MACROD2: variants seen among roughly 807,000 people sequenced by gnomAD.
MACROD2 encodes the protein mono-ADP ribosylhydrolase 2.
A neutral mutation model predicts 70.4 loss-of-function variants in MACROD2; 36 were observed. The observed-to-expected ratio is 0.51, with a 90% CI of 0.39 to 0.68. The LOEUF is 0.68. MACROD2 is among the 30% of genes least tolerant of loss of function. The pLI is 0.00. For missense variants in MACROD2, 496 were observed against 538.4 expected (o/e 0.92, Z 0.78); for synonymous variants, 172 against 178.8 (o/e 0.96, Z 0.30).
chr20:15,604,982 C>T (rs758059878), intron 8 of MACROD2, among the ~76,000 whole-genome samples: 1 of 152,124 alleles, frequency 6.6e-6, no homozygotes, highest in Non-Finnish European at 1.5e-5. Flanking sequence ...GAGCTATAAA[C>T]GGATACACTG....
chr20:14,540,829 G>A, intron 4 of MACROD2, among the ~76,000 whole-genome samples: 1 of 152,172 alleles, frequency 6.6e-6, no homozygotes, highest in East Asian at 1.9e-4. Flanking sequence ...CTCTACATTA[G>A]GAGAGGCTCA....
intron 4 of MACROD2, among the ~76,000 whole-genome samples, chr20:14,593,280 A>G (rs1427083716): frequency 6.6e-6 from 1 of 152,232 alleles, no homozygotes; most frequent in Admixed American, 6.5e-5. Flanking sequence ...GATGTTTTTA[A>G]GAGTACAGAT....
intron 2 of MACROD2, among the ~76,000 whole-genome samples, chr20:14,071,198 A>T (rs1277457032): frequency 6.7e-6 from 1 of 150,248 alleles, no homozygotes; most frequent in Non-Finnish European, 1.5e-5. Flanking sequence ...ATGGAATTAT[A>T]ATCTTAAAAG....
intron 8 of MACROD2, among the ~76,000 whole-genome samples, chr20:15,580,188 A>T (rs770935380): frequency 6.6e-5 from 10 of 152,150 alleles, no homozygotes; most frequent in Non-Finnish European, 1.3e-4. Flanking sequence ...GTAAAAAAAG[A>T]ATTGCCTTAT....
chr20:14,782,033 C>T (rs1398387972), intron 5 of MACROD2, among the ~76,000 whole-genome samples: 1 of 151,914 alleles, frequency 6.6e-6, no homozygotes, highest in African/African-American at 2.4e-5. Flanking sequence ...AAGTGATCCT[C>T]CCACCTCAGC....
chr20:15,468,217 G>A (rs755517071), intron 7 of MACROD2, among the ~76,000 whole-genome samples: 1 of 151,938 alleles, frequency 6.6e-6, no homozygotes, highest in African/African-American at 2.4e-5. Context: ...TTAGATGCAG[G>A]ACCCCTTTCA....
intron 5 of MACROD2, among the ~76,000 whole-genome samples, chr20:14,936,596 A>G (rs1428328977): frequency 6.6e-6 from 1 of 152,004 alleles, no homozygotes; most frequent in Non-Finnish European, 1.5e-5. Flanking sequence ...TCCAGGTTAT[A>G]TGGGATCTGA....
chr20:15,436,159 A>T (rs577856360), intron 7 of MACROD2, among the ~76,000 whole-genome samples: 1 of 152,118 alleles, frequency 6.6e-6, no homozygotes, highest in East Asian at 1.9e-4. Context: ...TGCAACTTGA[A>T]AATTACTTCA....
chr20:15,186,535 A>G (rs1232532735), intron 5 of MACROD2, among the ~76,000 whole-genome samples: 1 of 152,216 alleles, frequency 6.6e-6, no homozygotes, highest in Admixed American at 6.5e-5. Flanking sequence ...GGAAACAGGA[A>G]GTGCTAAATA....
chr20:14,428,005 A>G (rs905369890), intron 3 of MACROD2, among the ~76,000 whole-genome samples: 2 of 152,194 alleles, frequency 1.3e-5, no homozygotes, highest in African/African-American at 4.8e-5. Flanking sequence ...TACCATAGTA[A>G]TGAGCAGACT....
At chr20:15,464,340 G>A (rs1030927401) in intron 7 of MACROD2, among the ~76,000 whole-genome samples, 12 of 152,202 alleles carry the variant, frequency 7.9e-5, no homozygotes, top group Non-Finnish European at 1.6e-4. Flanking sequence ...TTCTTTTCAC[G>A]AAAGACAAGT....
At chr20:14,719,343 G>A (rs1325945737) in intron 5 of MACROD2, among the ~76,000 whole-genome samples, 5 of 151,800 alleles carry the variant, frequency 3.3e-5, no homozygotes, top group Admixed American at 1.3e-4. Flanking sequence ...ACTCATTTCA[G>A]TACCTATTTT....
intron 3 of MACROD2, among the ~76,000 whole-genome samples, chr20:14,343,964 T>G (rs1229895988): frequency 6.6e-6 from 1 of 152,244 alleles, no homozygotes; most frequent in East Asian, 1.9e-4. Flanking sequence ...GTGCTAATTT[T>G]AGACACACAA....
intron 8 of MACROD2, among the ~76,000 whole-genome samples, chr20:15,527,905 T>G (rs1055581192): frequency 3.3e-5 from 5 of 152,228 alleles, no homozygotes; most frequent in African/African-American, 1.2e-4. Flanking sequence ...CTTGACAAAC[T>G]ATATCCTTTG....
chr20:15,004,458 T>G (rs2075020229), intron 5 of MACROD2, among the ~76,000 whole-genome samples: 2 of 152,178 alleles, frequency 1.3e-5, no homozygotes, highest in African/African-American at 4.8e-5. Context: ...AAGCATATCA[T>G]CAATTATACT....
chr20:14,327,259 A>G, intron 3 of MACROD2: 1 of 1,613,818 alleles, frequency 6.2e-7, no homozygotes, highest in Non-Finnish European at 8.5e-7. Context: ...TTCTACTTTC[A>G]GCAAGTTTTT....
chr20:15,128,824 G>C (rs1320056096), intron 5 of MACROD2, among the ~76,000 whole-genome samples: 2 of 137,076 alleles, frequency 1.5e-5, no homozygotes, highest in African/African-American at 5.4e-5. Flanking sequence ...TGGTTAGTTT[G>C]TATCTGGGGT....
chr20:14,487,812 A>G (rs1185662503), intron 3 of MACROD2, among the ~76,000 whole-genome samples: 2 of 152,140 alleles, frequency 1.3e-5, no homozygotes, highest in Admixed American at 6.5e-5. Context: ...CAGTCTTCCT[A>G]TATCTTTATT....
At chr20:14,302,939 A>G (rs1217044389) in intron 3 of MACROD2, among the ~76,000 whole-genome samples, 1 of 152,170 alleles carries the variant, frequency 6.6e-6, no homozygotes, top group Non-Finnish European at 1.5e-5. Context: ...GGTGTGAGCC[A>G]CCGTGCCTGG....
Sources: allele counts gnomAD v4.1 joint callset (sites outside exome capture counted in the v4.1 genomes callset), GRCh38; gene constraint gnomAD v4.1.1; transcripts MANE v1.5; gene names NCBI Gene and HGNC (gene_info 2026-07-23, HGNC 2026-07-21).